The following GRM4 variants were observed in gnomAD, a reference collection of about 807,000 sequenced individuals.
GRM4 encodes the protein glutamate metabotropic receptor 4, also known as metabotropic glutamate receptor 4.
In GRM4, 28 loss-of-function variants were observed where a neutral mutation model predicts 81.7. The ratio of observed to expected loss-of-function variants is 0.34; its 90% CI spans 0.25 to 0.47. The LOEUF is 0.47. Among genes scored for constraint, GRM4 ranks in the 20% least tolerant of loss-of-function variants. GRM4 has a pLI of 1.00. For synonymous variants in GRM4, 488 were observed against 528.8 expected, an observed-to-expected ratio of 0.92 and a Z score of 1.06; for missense variants, 948 against 1,290.0, an observed-to-expected ratio of 0.73 and a Z score of 4.06.
rs1020738779 is a variant in GRM4, at chr6:34,133,719, G to A, written c.-223C>T. On this transcript the variant is annotated 5_prime_UTR_variant, in exon 2 of 11. Transcript: ENST00000538487. The surrounding 1 kb of genome is among the most constrained non-coding windows in gnomAD (Gnocchi z 6.5). ...GGCCCACAGACAGCAGGCAGTGGCC[G>A]GGGTTGCAGGAAGGCTCTGATCCTT... The A allele has an allele frequency of 2.7e-5, 35 of 1,301,306 alleles. No homozygotes were observed. The African/African-American group carries it at 2.7e-4, about 10-fold the overall frequency. 80.6% of individuals were successfully genotyped at this position (1,301,306 alleles called of 1,614,324 possible). A position where few individuals can be genotyped will look rare whatever the true frequency, so the allele number is the denominator to read the frequency against.
At chr6:34,029,589 G>A (rs1383552622) in intron 9 of GRM4, among the ~76,000 whole-genome samples, 1 of 152,224 alleles carries the variant, frequency 6.6e-6, no homozygotes, top group Admixed American at 6.5e-5. Context: ...GAGAGGGACT[G>A]GAGAAGCCAT....
Position 34,036,466 on chromosome 6 carries a change from G to T in GRM4, c.1644C>A (p.Tyr548Ter). 1 of 1,613,466 alleles carries T rather than the reference G, an allele frequency of 6.2e-7. No individual in the cohort carries two copies. The highest frequency in any genetic ancestry group is 8.5e-7 in the Non-Finnish European group (1 of 1,179,798). ...AGGTGTAGCGGTCCACCTGGTACTG[G>T]TACCCTGTGCAAGGCTCGCAGTGCC... is the stretch of plus-strand genomic sequence containing the variant. Reference protein sequence around the residue: ...CCWHCEPCTGYQYQVDRYTCK... With the variant: ...CCWHCEPCTG Residue 548 changes from tyrosine to a stop codon, truncating the protein, a stop_gained, in exon 9 of 11, where the codon TAC becomes TAA. Transcript: ENST00000538487. LOFTEE classifies it high-confidence loss of function. The surrounding 1 kb of genome is among the most constrained non-coding windows in gnomAD (Gnocchi z 9.0).
intron 2 of GRM4, among the ~76,000 whole-genome samples, chr6:34,105,267 C>G (rs1581702269): frequency 6.6e-6 from 1 of 152,128 alleles, no homozygotes; most frequent in African/African-American, 2.4e-5. Context: ...CCCCCTGGGG[C>G]TCTGGGGGCT....
Position 34,036,680 on chromosome 6 carries a change from A to T in GRM4, c.1507-77T>A, listed in dbSNP as rs533884705. Reference sequence around the variant, plus strand: ...CCGGACCATCCTACTGGGTGGTGGCACCTTGTAGCCCCACACTCAAATCAC... The same window carrying T: ...CCGGACCATCCTACTGGGTGGTGGCTCCTTGTAGCCCCACACTCAAATCAC... On this transcript the variant is annotated intron_variant, in intron 8 of 10. Transcript: ENST00000538487. This position sits in a 1 kb window ranked among gnomAD's most constrained non-coding sequence, Gnocchi z 9.0. The T allele has an allele frequency of 2.6e-6, 2 of 778,336 alleles. No individual in the cohort carries two copies. Among genetic ancestry groups the T allele is most frequent in the African/African-American group, 3.4e-5 (2 of 58,066 alleles). The allele number at this position is 778,336 out of a possible 1,614,324, so 48.2% of individuals were successfully genotyped here.
intron 6 of GRM4, chr6:34,054,313 C>T (rs1765760099): frequency 6.6e-6 from 1 of 152,144 alleles, no homozygotes; most frequent in Non-Finnish European, 1.5e-5. Flanking sequence ...AGGTGCCCAC[C>T]ACTAAACCCG....
intron 1 of GRM4, among the ~76,000 whole-genome samples, chr6:34,134,213 G>C (rs1001701945): frequency 6.6e-6 from 1 of 152,168 alleles, no homozygotes. Context: ...CAGGTCCTAT[G>C]GGCCCAATCC....
upstream of GRM4, chr6:34,146,173 C>T: frequency 1.0e-6 from 1 of 984,152 alleles, no homozygotes; most frequent in Non-Finnish European, 1.2e-6. Context: ...TGGCGTATGC[C>T]CCCATGTGGC....
At chr6:34,058,286 G>C (rs1267196240) in intron 5 of GRM4, among the ~76,000 whole-genome samples, 1 of 152,168 alleles carries the variant, frequency 6.6e-6, no homozygotes, top group African/African-American at 2.4e-5. Context: ...TCAGTATGAA[G>C]AGAGGACACT....
In GRM4 at chr6:34,104,156, G is replaced by C. The variant is rs565719271; in HGVS notation, c.520-12057C>G. Among the ~76,000 whole-genome samples the C allele has an allele frequency of 1.5e-4, 23 of 152,380 alleles. 1 individual carries two copies. Among genetic ancestry groups the C allele is most frequent in the South Asian group, 1.0e-3 (5 of 4,832 alleles). ...GTCTGTGGGCCAGGACACAGGCAAT[G>C]ATGACCTTAGGTCACACCCAAATGT... On this transcript the variant is annotated intron_variant, in intron 2 of 10. Coordinates refer to ENST00000538487, the MANE Select transcript of GRM4 (RefSeq NM_000841.4).
At position 34,059,194 on chromosome 6, in the gene GRM4, A is replaced by T; in HGVS notation, c.873-66T>A. On this transcript the variant is annotated intron_variant, in intron 4 of 10. Coordinates refer to ENST00000538487, the MANE Select transcript of GRM4 (RefSeq NM_000841.4). This position sits in a 1 kb window ranked among gnomAD's most constrained non-coding sequence, Gnocchi z 5.7. The stretch of plus-strand genomic sequence containing the variant: ...CACGAAACTGCCCCCACTCCTGGCC[A>T]CACTTGCTTTGGGCCCACGTCCCTC... 1 of 1,493,996 alleles carries T rather than the reference A, an allele frequency of 6.7e-7. No individual in the cohort carries two copies. The highest frequency in any genetic ancestry group is 1.2e-5 in the South Asian group (1 of 86,362). 92.5% of individuals were successfully genotyped at this position (1,493,996 alleles called of 1,614,324 possible).
At position 34,022,560 on chromosome 6, in the gene GRM4, G is replaced by A. The variant is rs1763930037; in HGVS notation, c.*261C>T. 3 of 539,752 alleles carry A rather than the reference G, an allele frequency of 5.6e-6. No homozygotes were observed. The highest frequency in any genetic ancestry group is 4.3e-5 in the South Asian group (2 of 46,552). The allele number at this position is 539,752 out of a possible 1,614,324, so 33.4% of individuals were successfully genotyped here. A position where few individuals can be genotyped will look rare whatever the true frequency, so the allele number is the denominator to read the frequency against. On this transcript the variant is annotated 3_prime_UTR_variant, in exon 11 of 11. Transcript: ENST00000538487. The surrounding 1 kb of genome is among the most constrained non-coding windows in gnomAD (Gnocchi z 5.6). ...ACACGACCTGAGCCCCTGTGGTTTG[G>A]GGCCGGGAGGGGCAATGGTCCAAGA...
chr6:34,155,248 C>G (rs1581749449), exon 1 of GRM4: 1 of 1,535,170 alleles, frequency 6.5e-7, no homozygotes, highest in African/African-American at 1.4e-5. Context: ...TCCAAAGGAC[C>G]TGGGCGGGAG....
At chr6:34,098,815 C>T (rs1422469964) in intron 2 of GRM4, among the ~76,000 whole-genome samples, 1 of 152,258 alleles carries the variant, frequency 6.6e-6, no homozygotes, top group Non-Finnish European at 1.5e-5. Context: ...CCCACCCTGA[C>T]CCCTCAGGGG....
chr6:34,083,548 A>G (rs1330204406), intron 3 of GRM4, among the ~76,000 whole-genome samples: 1 of 152,196 alleles, frequency 6.6e-6, no homozygotes, highest in Non-Finnish European at 1.5e-5. Context: ...GGTGGCGTAC[A>G]AGGGCAGCGG....
chr6:34,059,378 G>A lies in GRM4; in HGVS notation c.873-250C>T, dbSNP rs776155177. 858 of 544,424 alleles carry A rather than the reference G, an allele frequency of 1.6e-3. 6 individuals carry two copies. Among genetic ancestry groups the A allele is most frequent in the Admixed American group, 2.6e-3 (81 of 31,716 alleles). 33.7% of individuals were successfully genotyped at this position (544,424 alleles called of 1,614,324 possible). On this transcript the variant is annotated intron_variant, in intron 4 of 10. Coordinates refer to ENST00000538487, the MANE Select transcript of GRM4 (RefSeq NM_000841.4). This position sits in a 1 kb window ranked among gnomAD's most constrained non-coding sequence, Gnocchi z 5.7. Reference sequence around the variant, plus strand: ...GGCCCACGCCTGCTGCAGGCCCAGCGTGATTCTCCAGGCCTACATCTGTCC... The same window carrying A: ...GGCCCACGCCTGCTGCAGGCCCAGCATGATTCTCCAGGCCTACATCTGTCC...
At chr6:34,071,586 C>T in intron 3 of GRM4, among the ~76,000 whole-genome samples, 1 of 121,760 alleles carries the variant, frequency 8.2e-6, no homozygotes, top group African/African-American at 2.8e-5. Flanking sequence ...ACACACACAT[C>T]ACCACACAGA....
At chr6:34,091,759 AC>A in intron 3 of GRM4, 123 bp downstream of exon 3, 1 of 703,822 alleles carries the variant, frequency 1.4e-6, no homozygotes, top group East Asian at 2.7e-5. Context: ...GCCGAGGCCC[AC>A]CTGGCAACAG....
chr6:34,113,255 G>A (rs937948604), intron 2 of GRM4, among the ~76,000 whole-genome samples: 4 of 151,878 alleles, frequency 2.6e-5, no homozygotes, highest in East Asian at 1.9e-4. Flanking sequence ...GAGTTCAAGC[G>A]ATGCTCCCAC....
At chr6:34,062,320 G>C (rs1220570290) in intron 3 of GRM4, 1 of 328,304 alleles carries the variant, frequency 3.0e-6, no homozygotes, top group Non-Finnish European at 5.6e-6. Flanking sequence ...TTAGGAGCTA[G>C]ACTGCCTGGG....
Sources: allele counts gnomAD v4.1 joint callset (sites outside exome capture counted in the v4.1 genomes callset), GRCh38; gene constraint gnomAD v4.1.1; non-coding constraint Gnocchi (gnomAD v3.1); transcripts MANE v1.5; gene names NCBI Gene and HGNC (gene_info 2026-07-23, HGNC 2026-07-21).